The following ADAM12 variants were observed in gnomAD, a reference collection of about 807,000 sequenced individuals.
The protein encoded by ADAM12 is ADAM metallopeptidase domain 12.
In ADAM12, 70 loss-of-function variants were observed where a neutral mutation model predicts 106.4. The ratio of observed to expected loss-of-function variants is 0.66; its 90% CI spans 0.54 to 0.80. The LOEUF (loss-of-function observed/expected upper bound fraction) is 0.80, where lower values mean the gene tolerates loss of function less well. Among genes scored for constraint, ADAM12 ranks in the 30% least tolerant of loss-of-function variants. The pLI, the probability that ADAM12 is intolerant of heterozygous loss-of-function variation, is 0.00. For synonymous variants in ADAM12, 420 were observed against 433.5 expected (o/e 0.97, Z 0.39); for missense variants, 1,010 against 1,171.9 (o/e 0.86, Z 2.02).
At chr10:126,166,740 G>A (rs1369575395) in intron 3 of ADAM12, among the ~76,000 whole-genome samples, 4 of 152,078 alleles carry the variant, frequency 2.6e-5, no homozygotes, top group Middle Eastern at 3.4e-3. Context: ...CTTGTGATCC[G>A]CCCGCCTCGA....
chr10:126,339,991 A>C (rs775941259), intron 1 of ADAM12, among the ~76,000 whole-genome samples: 1 of 151,742 alleles, frequency 6.6e-6, no homozygotes, highest in Non-Finnish European at 1.5e-5. Context: ...AGTAGCTGGG[A>C]CTACAGGTGC....
chr10:126,268,786 G>C lies in ADAM12; in HGVS notation c.260+10129C>G, dbSNP rs149838481. On this transcript the variant is annotated intron_variant, in intron 3 of 22. Coordinates refer to ENST00000448723, the MANE Select transcript of ADAM12 (RefSeq NM_001288973.2). ...TAATCTAGGATTTTGGCCTCCTGGGGCATGATACTGTAAGAATGTAGCAGA... is the reference window on the plus strand; with the variant it reads ...TAATCTAGGATTTTGGCCTCCTGGGCCATGATACTGTAAGAATGTAGCAGA... Among the ~76,000 whole-genome samples the C allele has an allele frequency of 1.6e-4, 25 of 152,244 alleles. No homozygotes were observed. The East Asian group carries it at 4.5e-3, about 27-fold the overall frequency.
At chr10:126,157,683 C>A (rs532648762) in intron 3 of ADAM12, among the ~76,000 whole-genome samples, 1 of 152,342 alleles carries the variant, frequency 6.6e-6, no homozygotes, top group South Asian at 2.1e-4. Context: ...AGTGCTGCCC[C>A]TCACTCTCCT....
At chr10:126,306,241 T>C (rs1228796791) in intron 2 of ADAM12, among the ~76,000 whole-genome samples, 1 of 152,044 alleles carries the variant, frequency 6.6e-6, no homozygotes, top group African/African-American at 2.4e-5. Context: ...CTTACTGTCA[T>C]CCTTTCAGTG....
intron 8 of ADAM12, among the ~76,000 whole-genome samples, chr10:126,103,053 A>C (rs978396552): frequency 2.6e-5 from 4 of 152,162 alleles, no homozygotes; most frequent in African/African-American, 9.7e-5. Context: ...GCCTCCCAGG[A>C]GTGTTGCATG....
At chr10:126,312,698 T>C (rs1409053264) in intron 2 of ADAM12, among the ~76,000 whole-genome samples, 2 of 152,188 alleles carry the variant, frequency 1.3e-5, no homozygotes, top group Non-Finnish European at 2.9e-5. Flanking sequence ...GCTGGCTTTA[T>C]TAAATACTGT....
intron 7 of ADAM12, among the ~76,000 whole-genome samples, 166 bp from the exon 8 acceptor site, chr10:126,108,830 G>A (rs574911441): frequency 2.0e-5 from 3 of 152,270 alleles, no homozygotes; most frequent in Non-Finnish European, 2.9e-5. Flanking sequence ...TTCCCGGCTG[G>A]GGACTCCCTG....
At chr10:126,357,289 G>C (rs555982586) in intron 1 of ADAM12, among the ~76,000 whole-genome samples, 22 of 152,200 alleles carry the variant, frequency 1.4e-4, no homozygotes, top group African/African-American at 5.3e-4. Context: ...TGCAGGCCAG[G>C]AGAGAGTGGG....
At chr10:126,071,696 A>T (rs1954996535) in intron 11 of ADAM12, 42 bp from the exon 12 acceptor site, 1 of 1,604,044 alleles carries the variant, frequency 6.2e-7, no homozygotes, top group African/African-American at 1.3e-5. Context: ...CAGGGCATGG[A>T]ATGGCTTTGT....
intron 2 of ADAM12, among the ~76,000 whole-genome samples, chr10:126,280,380 C>T (rs1055759260): frequency 3.9e-5 from 6 of 152,032 alleles, no homozygotes; most frequent in South Asian, 2.1e-4. Flanking sequence ...AGCCATTAGC[C>T]GCATATGGCT....
chr10:126,109,094 G>A (rs946974104), intron 7 of ADAM12, among the ~76,000 whole-genome samples: 4 of 152,108 alleles, frequency 2.6e-5, no homozygotes, highest in African/African-American at 9.7e-5. Flanking sequence ...ATACAGAGGA[G>A]AATAGACAAA....
intron 2 of ADAM12, among the ~76,000 whole-genome samples, chr10:126,310,505 T>C (rs1393560194): frequency 2.6e-5 from 4 of 151,880 alleles, no homozygotes; most frequent in Non-Finnish European, 5.9e-5. Context: ...TCCAAGCAAG[T>C]GGTAGGGTAG....
chr10:126,068,225 T>A (rs57636317), intron 12 of ADAM12, among the ~76,000 whole-genome samples: 2,980 of 152,322 alleles, frequency 0.02, 101 homozygotes, highest in African/African-American at 0.067. Flanking sequence ...TTAATTGCAT[T>A]TTTAAATCAG....
At chr10:126,194,923 G>C (rs977462796) in intron 3 of ADAM12, among the ~76,000 whole-genome samples, 3 of 152,186 alleles carry the variant, frequency 2.0e-5, no homozygotes, top group Non-Finnish European at 4.4e-5. Context: ...GGCAGGCAAC[G>C]CTTGAATGCC....
chr10:126,060,780 C>T lies in ADAM12; in HGVS notation c.1609+4026G>A, dbSNP rs528078666. 1.4e-4 allele frequency among the ~76,000 whole-genome samples: 22 copies of T among 152,312 alleles called. No homozygotes were observed. In the East Asian group the frequency reaches 1.5e-3, roughly 11 times the overall value. On this transcript the variant is annotated intron_variant, in intron 14 of 22. Transcript: ENST00000448723. ...GAGGATATTGTGAAGGATTCACATC[C>T]GCCCTCCCCTCCAGATCCAGGCAGG...
intron 3 of ADAM12, among the ~76,000 whole-genome samples, chr10:126,228,243 G>A (rs994869167): frequency 6.6e-6 from 1 of 152,156 alleles, no homozygotes; most frequent in Non-Finnish European, 1.5e-5. Flanking sequence ...GCCAACAAAC[G>A]ATTGGTATTA....
intron 5 of ADAM12, among the ~76,000 whole-genome samples, chr10:126,123,011 C>A (rs1348573735): frequency 6.6e-6 from 1 of 152,192 alleles, no homozygotes; most frequent in African/African-American, 2.4e-5. Flanking sequence ...TAAAAATATT[C>A]TCTTATCTTC....
At chr10:126,072,456 A>G (rs1955016931) in intron 11 of ADAM12, among the ~76,000 whole-genome samples, 1 of 152,160 alleles carries the variant, frequency 6.6e-6, no homozygotes, top group African/African-American at 2.4e-5. Flanking sequence ...TATTTAAGCG[A>G]GTATTCCTTC....
At chr10:126,155,433 G>A (rs954711772) in intron 3 of ADAM12, 128 bp from the exon 4 acceptor site, 19 of 809,850 alleles carry the variant, frequency 2.3e-5, no homozygotes, top group South Asian at 2.0e-4. Flanking sequence ...ATAATCCAAG[G>A]AAGCTCCCAT....
Sources: allele counts gnomAD v4.1 joint callset (sites outside exome capture counted in the v4.1 genomes callset), GRCh38; gene constraint gnomAD v4.1.1; transcripts MANE v1.5; gene names NCBI Gene and HGNC (gene_info 2026-07-23, HGNC 2026-07-21).